Variants in ACSM5 observed in about 807,000 individuals in gnomAD.
ACSM5 encodes the protein acyl-CoA synthetase medium chain family member 5.
Under a neutral mutation model 71.6 loss-of-function variants are expected in ACSM5, and 56 were observed. That is an observed-to-expected ratio of 0.78 (90% CI 0.63 to 0.98). The LOEUF is 0.98. Ranked by LOEUF, ACSM5 falls within the 50% of genes least tolerant of loss-of-function variation. The pLI is 0.00. For missense variants in ACSM5, 723 were observed against 726.0 expected (o/e 1.00, Z 0.05); for synonymous variants, 285 against 281.5 (o/e 1.01, Z -0.12).
In ACSM5 at chr16:20,435,971, C is replaced by T. The variant is rs545801960; in HGVS notation, c.1309-1081C>T. The stretch of plus-strand genomic sequence containing the variant: ...TCCTTCCTTCTTTCCTTCTTTCTTC[C>T]TTCCTTTTTTCTTTCTTTCTTTTCT... On this transcript the variant is annotated intron_variant, in intron 10 of 13. Coordinates refer to ENST00000331849, the MANE Select transcript of ACSM5 (RefSeq NM_017888.3). Among the ~76,000 whole-genome samples, 14 of 148,314 alleles carry T rather than the reference C, an allele frequency of 9.4e-5. No individual in the cohort carries two copies. The East Asian group carries it at 2.8e-3, about 29-fold the overall frequency.
intron 2 of ACSM5, among the ~76,000 whole-genome samples, chr16:20,416,285 G>GAA (rs564038496): frequency 1.0e-4 from 12 of 114,850 alleles, no homozygotes; most frequent in Admixed American, 2.7e-4. Flanking sequence ...AAACAGCCTT[G>GAA]AAAAAAAAAA....
chr16:20,418,659 C>T (rs544354152), intron 3 of ACSM5, among the ~76,000 whole-genome samples: 1 of 152,196 alleles, frequency 6.6e-6, no homozygotes, highest in Admixed American at 6.5e-5. Context: ...ATGTTGGCAT[C>T]TATCATTTTA....
chr16:20,421,088 A>T (rs1966876594), intron 4 of ACSM5, 170 bp from the exon 5 acceptor site: 1 of 695,578 alleles, frequency 1.4e-6, no homozygotes, highest in African/African-American at 1.8e-5. Context: ...GGTTATAATG[A>T]TAGTACCTAC....
chr16:20,431,173 G>C, intron 9 of ACSM5, 47 bp from the exon 10 acceptor site: 1 of 1,598,088 alleles, frequency 6.3e-7, no homozygotes. Flanking sequence ...GAGAGGCCCA[G>C]GGTGTAGACA....
intron 4 of ACSM5, 72 bp from the exon 5 acceptor site, chr16:20,421,186 G>A: frequency 6.8e-7 from 1 of 1,469,570 alleles, no homozygotes; most frequent in Non-Finnish European, 9.1e-7. Context: ...TCATATTGTT[G>A]TTACACATAT....
At chr16:20,416,727 G>A (rs983322604) in intron 2 of ACSM5, among the ~76,000 whole-genome samples, 14 of 152,208 alleles carry the variant, frequency 9.2e-5, no homozygotes, top group African/African-American at 3.4e-4. Context: ...TGGACTTCAT[G>A]AAAATTAATA....
Position 20,427,805 on chromosome 16 carries a change from G to T in ACSM5, c.939G>T (p.Pro313=), listed in dbSNP as rs12922063. 5.6e-6 allele frequency: 9 copies of T among 1,613,610 alleles called. No homozygotes were observed. The Admixed American group carries it at 1.3e-4, about 24-fold the overall frequency. The change falls in exon 7 of 14, where the codon CCG becomes CCT. Residue 313 remains proline (P), a synonymous_variant. Transcript: ENST00000331849. ...KVILNTLSKF[P]ITTLCCVPTI... ...TTGTTTAGACTCTCTCCAAATTCCC[G>T]ATAACCACCCTCTGCTGTGTCCCAA...
In ACSM5 at chr16:20,440,828, A is replaced by T. The variant is rs900636494; in HGVS notation, c.*401A>T. ...TCCTTTGTATGTAACCATTTGGCAAAAGTATGCAGGAACATAAAATAAAAT... is the reference window on the plus strand; with the variant it reads ...TCCTTTGTATGTAACCATTTGGCAATAGTATGCAGGAACATAAAATAAAAT... On this transcript the variant is annotated 3_prime_UTR_variant, in exon 14 of 14. Coordinates refer to ENST00000331849, the MANE Select transcript of ACSM5 (RefSeq NM_017888.3). 6.2e-6 allele frequency: 1 copy of T among 161,400 alleles called. No homozygotes were observed. The highest frequency in any genetic ancestry group is 2.4e-5 in the African/African-American group (1 of 41,924). 10.0% of individuals were successfully genotyped at this position (161,400 alleles called of 1,614,324 possible).
In ACSM5 at chr16:20,418,074, C is replaced by T. The variant is rs367648720; in HGVS notation, c.220C>T (p.Pro74Ser). ...CACCATCTAGGCTGGACACCGCCCC[C>T]CAAATCCTGCCTTCTGGTGGGTCAA... ...SRLEEAGHRP[P>S]NPAFWWVNGT... is the part of the protein sequence containing the mutation. Residue 74 changes from proline (P) to serine (S), a missense_variant, in exon 3 of 14, where the codon CCA becomes TCA. Transcript: ENST00000331849. 1 of 1,613,752 alleles carries T rather than the reference C, an allele frequency of 6.2e-7. No homozygotes were observed. The highest frequency in any genetic ancestry group is 2.2e-5 in the East Asian group (1 of 44,882).
At chr16:20,429,271 C>A (rs1186479582) in intron 7 of ACSM5, among the ~76,000 whole-genome samples, 2 of 152,140 alleles carry the variant, frequency 1.3e-5, no homozygotes, top group Non-Finnish European at 2.9e-5. Flanking sequence ...CCTAGGCCTC[C>A]CAAAGTGCTG....
At chr16:20,418,400 T>A in intron 3 of ACSM5, 131 bp downstream of exon 3, 1 of 942,146 alleles carries the variant, frequency 1.1e-6, no homozygotes. Context: ...CCTATTTGCC[T>A]AACAATCACA....
chr16:20,418,141 G>A lies in ACSM5; in HGVS notation c.287G>A (p.Gly96Glu). Reference protein sequence around the residue: ...AEIKWSFEELGKQSRKAANVL... With the variant: ...AEIKWSFEELEKQSRKAANVL... ...ATCAAGTGGAGCTTTGAGGAGCTGG[G>A]GAAGCAGTCCAGGAAGGCAGCCAAT... Residue 96 changes from glycine (G) to glutamate (E), a missense_variant, in exon 3 of 14, where the codon GGG (glycine) becomes GAG (glutamate). Physicochemically the swap from Gly to Glu is moderately conservative, Grantham distance 98 (BLOSUM62 -2). Coordinates refer to ENST00000331849, the MANE Select transcript of ACSM5 (RefSeq NM_017888.3). 1.2e-6 allele frequency: 2 copies of A among 1,613,730 alleles called. No individual in the cohort carries two copies. The highest frequency in any genetic ancestry group is 1.7e-6 in the Non-Finnish European group (2 of 1,179,946).
At chr16:20,412,026 C>G (rs1475815300) in intron 2 of ACSM5, 5 of 323,690 alleles carry the variant, frequency 1.5e-5, no homozygotes, top group Non-Finnish European at 1.2e-5. Flanking sequence ...ATGTTTTTCT[C>G]TCACTGTCAC....
Position 20,421,408 on chromosome 16 carries a change from G to A in ACSM5, c.767+7G>A, listed in dbSNP as rs778107634. The A allele has an allele frequency of 2.5e-6, 4 of 1,584,234 alleles. No individual in the cohort carries two copies. In the South Asian group the frequency reaches 3.4e-5, roughly 13 times the overall value. ...GTTTTGTGGCCAGCGGAAGGTACCA[G>A]AGCAGCTTGTCTAGAGGATCCAAGA... On this transcript the variant is annotated splice_region_variant and intron_variant, in intron 5 of 13. Coordinates refer to ENST00000331849, the MANE Select transcript of ACSM5 (RefSeq NM_017888.3).
intron 7 of ACSM5, among the ~76,000 whole-genome samples, chr16:20,428,815 G>C (rs1490099649): frequency 1.3e-5 from 2 of 152,128 alleles, no homozygotes; most frequent in African/African-American, 4.8e-5. Context: ...AAGCCAATTT[G>C]ATCTCCCCTC....
intron 6 of ACSM5, among the ~76,000 whole-genome samples, chr16:20,424,901 A>C (rs1297955245): frequency 6.6e-6 from 1 of 152,262 alleles, no homozygotes; most frequent in African/African-American, 2.4e-5. Flanking sequence ...TATGGGGTAC[A>C]TGAGATGTTT....
At chr16:20,422,163 G>A (rs1203678373) in intron 5 of ACSM5, among the ~76,000 whole-genome samples, 4 of 151,876 alleles carry the variant, frequency 2.6e-5, no homozygotes, top group African/African-American at 9.7e-5. Flanking sequence ...CCAGGCTGGT[G>A]TGCAGTGGTG....
At chr16:20,435,287 C>T (rs1259473092) in intron 10 of ACSM5, among the ~76,000 whole-genome samples, 1 of 152,226 alleles carries the variant, frequency 6.6e-6, no homozygotes, top group African/African-American at 2.4e-5. Context: ...CCTGCCTTGG[C>T]CTCCCGAAGT....
intron 7 of ACSM5, among the ~76,000 whole-genome samples, chr16:20,429,270 C>G (rs532301057): frequency 6.6e-6 from 1 of 152,262 alleles, no homozygotes; most frequent in Non-Finnish European, 1.5e-5. Flanking sequence ...ACCTAGGCCT[C>G]CCAAAGTGCT....
Sources: allele counts gnomAD v4.1 joint callset (sites outside exome capture counted in the v4.1 genomes callset), GRCh38; gene constraint gnomAD v4.1.1; transcripts MANE v1.5; gene names NCBI Gene and HGNC (gene_info 2026-07-23, HGNC 2026-07-21).